Variants in ENTREP3 observed in about 807,000 individuals in gnomAD.
The protein encoded by ENTREP3 is endosomal transmembrane epsin interactor 3.
the ENTREP3 span, among the ~76,000 whole-genome samples, chr1:155,252,255 T>A: frequency 6.6e-6 from 1 of 151,876 alleles, no homozygotes; most frequent in Non-Finnish European, 1.5e-5. Flanking sequence ...TGGAGTGCAG[T>A]GGCGCGATCT....
the ENTREP3 span, chr1:155,247,905 G>T: frequency 6.3e-7 from 1 of 1,588,778 alleles, no homozygotes; most frequent in Non-Finnish European, 8.6e-7. Context: ...CTCCGCAGCT[G>T]CGAAGGTGGA....
At chr1:155,251,368 G>A in the ENTREP3 span, 1 of 733,030 alleles carries the variant, frequency 1.4e-6, no homozygotes, top group South Asian at 1.8e-5. Flanking sequence ...GAAGATCAAA[G>A]GCAACAGTGG....
chr1:155,251,477 G>T, the ENTREP3 span: 2 of 1,570,706 alleles, frequency 1.3e-6, no homozygotes, highest in Admixed American at 3.4e-5. Flanking sequence ...TCCCCAGCCC[G>T]CCCCAAGCCG....
chr1:155,249,837 G>A, the ENTREP3 span, among the ~76,000 whole-genome samples: 1 of 147,256 alleles, frequency 6.8e-6, no homozygotes, highest in Admixed American at 6.9e-5. Context: ...AGTGAGCCCA[G>A]ATCGCGCGGC....
chr1:155,254,825 G>C, the ENTREP3 span: 1 of 1,604,760 alleles, frequency 6.2e-7, no homozygotes, highest in Non-Finnish European at 8.5e-7. This position sits in a 1 kb window ranked among gnomAD's most constrained non-coding sequence, Gnocchi z 4.4. Flanking sequence ...AAGGCCCCTG[G>C]TGCTGGGCCG....
chr1:155,251,135 A>C, the ENTREP3 span: 1 of 1,612,262 alleles, frequency 6.2e-7, no homozygotes, highest in Non-Finnish European at 8.5e-7. Context: ...TGCACGAGCC[A>C]TCGTGAAGCT....
At chr1:155,253,919 C>T in the ENTREP3 span, 95 of 1,612,418 alleles carry the variant, frequency 5.9e-5, no homozygotes, top group Non-Finnish European at 6.9e-5. Flanking sequence ...GTTCCTGCCC[C>T]GACTCTGGAC....
chr1:155,248,655 A>T, the ENTREP3 span, among the ~76,000 whole-genome samples: 1 of 147,680 alleles, frequency 6.8e-6, no homozygotes, highest in Non-Finnish European at 1.5e-5. Flanking sequence ...CACCACAACA[A>T]GGACTGCAGT....
chr1:155,251,705 C>A, the ENTREP3 span: 1 of 1,611,912 alleles, frequency 6.2e-7, no homozygotes, highest in Non-Finnish European at 8.5e-7. Context: ...TTCCTTAGCT[C>A]CCCCAGCAAG....
At chr1:155,250,636 C>T in the ENTREP3 span, 59 of 1,611,058 alleles carry the variant, frequency 3.7e-5, no homozygotes, top group Non-Finnish European at 4.7e-5. The surrounding 1 kb of genome is among the most constrained non-coding windows in gnomAD (Gnocchi z 5.4). Context: ...TCGAAGGGGC[C>T]CCGCAGGCCA....
chr1:155,253,762 G>C, the ENTREP3 span: 1 of 1,606,770 alleles, frequency 6.2e-7, no homozygotes, highest in Non-Finnish European at 8.5e-7. Context: ...AGAGGAGTCA[G>C]GAGACGGCTA....
At chr1:155,250,457 G>A in the ENTREP3 span, 2 of 1,477,288 alleles carry the variant, frequency 1.4e-6, no homozygotes, top group African/African-American at 1.4e-5. The surrounding 1 kb of genome is among the most constrained non-coding windows in gnomAD (Gnocchi z 5.4). Flanking sequence ...CTCCCCGGGG[G>A]ACCCGCCGCC....
the ENTREP3 span, chr1:155,250,669 C>T: frequency 1.9e-6 from 3 of 1,612,354 alleles, no homozygotes; most frequent in African/African-American, 1.3e-5. This position sits in a 1 kb window ranked among gnomAD's most constrained non-coding sequence, Gnocchi z 5.4. Flanking sequence ...AGGCAGTAGC[C>T]GGCACGGCTG....
the ENTREP3 span, chr1:155,250,502 C>G: frequency 1.7e-5 from 26 of 1,498,674 alleles, no homozygotes; most frequent in African/African-American, 3.0e-4. This position sits in a 1 kb window ranked among gnomAD's most constrained non-coding sequence, Gnocchi z 5.4. Flanking sequence ...CCCAGGGCGG[C>G]CAGCCCTCCA....
chr1:155,253,378 C>T, the ENTREP3 span: 1 of 510,194 alleles, frequency 2.0e-6, no homozygotes, highest in Non-Finnish European at 3.5e-6. Context: ...ACCATCCAGT[C>T]CCATTCTCTA....
chr1:155,249,672 G>A, the ENTREP3 span, among the ~76,000 whole-genome samples: 1 of 152,010 alleles, frequency 6.6e-6, no homozygotes, highest in Non-Finnish European at 1.5e-5. Flanking sequence ...GAGGTCAGGA[G>A]ATTGAGACCA....
the ENTREP3 span, chr1:155,253,620 C>T: frequency 1.9e-6 from 3 of 1,609,096 alleles, no homozygotes; most frequent in South Asian, 1.1e-5. Flanking sequence ...CTGCTCCCTT[C>T]TCACCGTATG....
the ENTREP3 span, among the ~76,000 whole-genome samples, chr1:155,248,670 T>G: frequency 1.8e-4 from 27 of 149,926 alleles, no homozygotes; most frequent in South Asian, 8.6e-4. Context: ...TGCAGTGGTG[T>G]TGTTCAGCAC....
the ENTREP3 span, chr1:155,253,717 C>T: frequency 9.9e-6 from 16 of 1,609,120 alleles, no homozygotes; most frequent in African/African-American, 4.0e-5. Flanking sequence ...AGCCCACAGA[C>T]GCTGAAGAGC....
Sources: gnomAD v4.1 joint callset for allele counts (sites outside exome capture counted in the v4.1 genomes callset) on GRCh38, gnomAD v4.1.1 for gene constraint, Gnocchi (gnomAD v3.1) non-coding constraint, MANE v1.5 for transcripts, NCBI Gene and HGNC (gene_info 2026-07-23, HGNC 2026-07-21) for gene names.